Variants in FGD4 observed in about 807,000 individuals in gnomAD.
FGD4 encodes the protein FYVE, RhoGEF and PH domain-containing protein 4.
FGD4 carries 42 observed loss-of-function variants against 102.0 expected under a neutral mutation model. The ratio of observed to expected loss-of-function variants is 0.41; its 90% CI spans 0.32 to 0.53. The LOEUF is 0.53. Among genes scored for constraint, FGD4 ranks in the 20% least tolerant of loss-of-function variants. The pLI is 0.21. For missense variants in FGD4, 902 were observed against 1,078.2 expected, an observed-to-expected ratio of 0.84 and a Z score of 2.29; for synonymous variants, 380 against 375.7, an observed-to-expected ratio of 1.01 and a Z score of -0.13.
At position 32,399,852 on chromosome 12, in the gene FGD4, C is replaced by T. The variant is rs1278233645; in HGVS notation, c.59C>T (p.Pro20Leu). The change falls in exon 1 of 17, where the codon CCC (proline) becomes CTC (leucine). Residue 20 changes from proline to leucine, a missense_variant. Pro to Leu is a moderately conservative substitution (Grantham distance 98). This residue lies in a region of FGD4 where 443 missense variants were observed against 459.2 expected (regional missense o/e 0.96). Coordinates refer to ENST00000534526, the MANE Select transcript of FGD4 (RefSeq NM_001370298.3). ...GTGGCGATCCGGCGGAAGTCCAACC[C>T]CTCCTACCTGCCGCCCGGGGTGCCC... Reference protein sequence around the residue: ...RRVAIRRKSNPSYLPPGVPRP... With the variant: ...RRVAIRRKSNLSYLPPGVPRP... 5.9e-6 allele frequency: 9 copies of T among 1,531,586 alleles called. No individual in the cohort carries two copies. The highest frequency in any genetic ancestry group is 1.4e-5 in the African/African-American group (1 of 72,316). The allele number at this position is 1,531,586 out of a possible 1,614,324, so 94.9% of individuals were successfully genotyped here. A position where few individuals can be genotyped will look rare whatever the true frequency, so the allele number is the denominator to read the frequency against.
rs977937589 is a variant in FGD4, at chr12:32,407,090, C to G, written c.166+7131C>G. Reference sequence around the variant, plus strand: ...CCTCCCAAAGTGCTGGGATTACAGGCATGAGCCACCACGCCCGGCCAAGAA... The same window carrying G: ...CCTCCCAAAGTGCTGGGATTACAGGGATGAGCCACCACGCCCGGCCAAGAA... On this transcript the variant is annotated intron_variant, in intron 1 of 16. Transcript: ENST00000534526. 2.5e-3 allele frequency among the ~76,000 whole-genome samples: 364 copies of G among 145,608 alleles called. 3 individuals are homozygous for G. Among genetic ancestry groups the G allele is most frequent in the African/African-American group, 9.1e-3 (353 of 38,642 alleles).
chr12:32,413,966 G>A (rs1277364522), intron 1 of FGD4, among the ~76,000 whole-genome samples: 1 of 142,496 alleles, frequency 7.0e-6, no homozygotes, highest in African/African-American at 2.7e-5. Flanking sequence ...GAGAGACCTT[G>A]AGGATACTTT....
intron 15 of FGD4, among the ~76,000 whole-genome samples, chr12:32,634,143 AG>A (rs1351930530): frequency 6.6e-6 from 1 of 152,184 alleles, no homozygotes; most frequent in Non-Finnish European, 1.5e-5. Flanking sequence ...TGCATAGAAA[AG>A]GGGGGCTGCT....
chr12:32,534,334 T>G, intron 1 of FGD4: 1 of 1,422,596 alleles, frequency 7.0e-7, no homozygotes, highest in African/African-American at 1.4e-5. Flanking sequence ...AGTGCATTGG[T>G]CTGAGCTCCT....
chr12:32,611,321 T>A, intron 10 of FGD4, 38 bp downstream of exon 10: 1 of 1,611,782 alleles, frequency 6.2e-7, no homozygotes, highest in Non-Finnish European at 8.5e-7. Context: ...ATAAGAATTA[T>A]ATATAAAAAT....
At chr12:32,427,775 G>A (rs909378213) in intron 1 of FGD4, among the ~76,000 whole-genome samples, 2 of 152,186 alleles carry the variant, frequency 1.3e-5, no homozygotes, top group African/African-American at 4.8e-5. Flanking sequence ...ATTTAAGATA[G>A]TTAGCTCTTC....
chr12:32,417,682 G>A (rs951219142), intron 1 of FGD4, among the ~76,000 whole-genome samples: 6 of 151,718 alleles, frequency 4.0e-5, no homozygotes, highest in Admixed American at 1.3e-4. Context: ...GGTCTCCAAC[G>A]CCAGGCTTAC....
chr12:32,600,455 A>C (rs1288084830), intron 5 of FGD4: 1 of 1,286,268 alleles, frequency 7.8e-7, no homozygotes, highest in Non-Finnish European at 1.0e-6. Flanking sequence ...CCATCTGGAC[A>C]TTATGAAGGA....
chr12:32,484,387 C>T (rs570879356), intron 1 of FGD4, among the ~76,000 whole-genome samples: 2 of 152,202 alleles, frequency 1.3e-5, no homozygotes, highest in African/African-American at 2.4e-5. Context: ...TTCCATATAA[C>T]ATAGAAACAT....
At chr12:32,534,621 C>G (rs549540408) in intron 1 of FGD4, 417 of 551,990 alleles carry the variant, frequency 7.6e-4, no homozygotes, top group Non-Finnish European at 6.4e-4. Context: ...GTTAATAAAG[C>G]TCACATTGGT....
intron 4 of FGD4, among the ~76,000 whole-genome samples, chr12:32,594,808 G>A (rs1385961012): frequency 1.3e-5 from 2 of 152,172 alleles, no homozygotes; most frequent in Non-Finnish European, 2.9e-5. Flanking sequence ...AAAGCAGGCG[G>A]AACACAAGGT....
chr12:32,402,414 GGA>G (rs147073939), intron 1 of FGD4, among the ~76,000 whole-genome samples: 11 of 149,142 alleles, frequency 7.4e-5, no homozygotes, highest in Admixed American at 1.3e-4. Context: ...AGAGGGAGAG[GGA>G]GAGAGAGAGA....
chr12:32,552,900 C>CT lies in FGD4; in HGVS notation c.167-11235dup, dbSNP rs750686088. ...TCAAGCGATTCTCCTACCTCAGCCT[C>CT]TTGAGTAGCTGGGATTACAGGCATG... On this transcript the variant is annotated intron_variant, in intron 1 of 16. Coordinates refer to ENST00000534526, the MANE Select transcript of FGD4 (RefSeq NM_001370298.3). 5.1e-4 allele frequency among the ~76,000 whole-genome samples: 77 copies of CT among 150,778 alleles called. 1 individual carries two copies. The highest frequency in any genetic ancestry group is 3.5e-4 in the Non-Finnish European group (24 of 67,872).
chr12:32,558,407 C>A (rs757692038), intron 1 of FGD4, among the ~76,000 whole-genome samples: 1 of 152,124 alleles, frequency 6.6e-6, no homozygotes, highest in Non-Finnish European at 1.5e-5. Context: ...GGGCTAGAGA[C>A]CCAGTGCATG....
At chr12:32,499,405 C>G (rs1938025133) in intron 1 of FGD4, among the ~76,000 whole-genome samples, 1 of 152,148 alleles carries the variant, frequency 6.6e-6, no homozygotes, top group Non-Finnish European at 1.5e-5. Flanking sequence ...CTCCAGAGGA[C>G]ATTACTATTC....
At chr12:32,549,860 A>G (rs1180659681) in intron 1 of FGD4, among the ~76,000 whole-genome samples, 2 of 152,202 alleles carry the variant, frequency 1.3e-5, no homozygotes, top group African/African-American at 4.8e-5. Context: ...GTTGCGAAGT[A>G]AATGTCATCC....
intron 1 of FGD4, among the ~76,000 whole-genome samples, chr12:32,451,519 A>G (rs190183564): frequency 7.2e-5 from 11 of 152,300 alleles, no homozygotes; most frequent in African/African-American, 2.6e-4. Flanking sequence ...AATTATATCA[A>G]AGAGATCACC....
At chr12:32,625,242 C>T (rs1025344041) in intron 13 of FGD4, among the ~76,000 whole-genome samples, 174 bp downstream of exon 13, 1 of 147,782 alleles carries the variant, frequency 6.8e-6, no homozygotes, top group Non-Finnish European at 1.5e-5. Flanking sequence ...TTTCATTCTA[C>T]TTGAACTTCT....
chr12:32,498,258 C>A (rs1460341451), intron 1 of FGD4, among the ~76,000 whole-genome samples: 1 of 152,230 alleles, frequency 6.6e-6, no homozygotes, highest in Non-Finnish European at 1.5e-5. Context: ...ATGGCAACAT[C>A]TATCAAATAC....
Sources: gnomAD v4.1 joint callset for allele counts (sites outside exome capture counted in the v4.1 genomes callset) on GRCh38, gnomAD v4.1.1 for gene constraint, gnomAD v4.1.1 regional missense constraint, MANE v1.5 for transcripts, NCBI Gene and HGNC (gene_info 2026-07-23, HGNC 2026-07-21) for gene names.